Variants in SYT14 observed in about 807,000 individuals in gnomAD.
The protein encoded by SYT14 is synaptotagmin 14.
In SYT14, 32 loss-of-function variants were observed where a neutral mutation model predicts 74.2. That is an observed-to-expected ratio of 0.43 (90% CI 0.33 to 0.58). The LOEUF is 0.58. Ranked by LOEUF, SYT14 falls within the 20% of genes least tolerant of loss-of-function variation. The probability of loss-of-function intolerance (pLI) is 0.05; values close to 1 mark genes in which losing one functional copy is unlikely to be tolerated. For missense variants in SYT14, 791 were observed against 981.8 expected, an observed-to-expected ratio of 0.81 and a Z score of 2.60; for synonymous variants, 298 against 337.7, an observed-to-expected ratio of 0.88 and a Z score of 1.29.
At chr1:210,120,815 T>A (rs2082445957) in intron 7 of SYT14, among the ~76,000 whole-genome samples, 1 of 152,220 alleles carries the variant, frequency 6.6e-6, no homozygotes, top group Non-Finnish European at 1.5e-5. Flanking sequence ...TTACTTTCGG[T>A]GGTATATTTC....
At chr1:209,994,370 T>C (rs975922202) in intron 2 of SYT14, among the ~76,000 whole-genome samples, 4 of 152,064 alleles carry the variant, frequency 2.6e-5, no homozygotes, top group Non-Finnish European at 5.9e-5. Flanking sequence ...AACAGCAGAA[T>C]AGAACAAACT....
At chr1:209,942,123 T>G (rs527394888) in intron 1 of SYT14, among the ~76,000 whole-genome samples, 1 of 152,274 alleles carries the variant, frequency 6.6e-6, no homozygotes, top group East Asian at 1.9e-4. Flanking sequence ...GTATTTTGTA[T>G]GATCTCAAGC....
At chr1:210,106,363 T>G (rs2082157360) in intron 7 of SYT14, among the ~76,000 whole-genome samples, 1 of 152,134 alleles carries the variant, frequency 6.6e-6, no homozygotes, top group South Asian at 2.1e-4. Context: ...GCCTTTATAC[T>G]CCCATCAGTC....
intron 2 of SYT14, among the ~76,000 whole-genome samples, chr1:209,978,740 A>G (rs2079420154): frequency 6.6e-6 from 1 of 152,188 alleles, no homozygotes; most frequent in African/African-American, 2.4e-5. Context: ...GCTGTCAGAC[A>G]GTGACATTTA....
At chr1:210,041,417 G>A (rs1180406495) in intron 5 of SYT14, among the ~76,000 whole-genome samples, 1 of 152,134 alleles carries the variant, frequency 6.6e-6, no homozygotes, top group East Asian at 1.9e-4. Context: ...GTTGATCACT[G>A]ATTTTAATTT....
At chr1:210,149,052 C>T (rs1419871844) in intron 7 of SYT14, among the ~76,000 whole-genome samples, 1 of 151,900 alleles carries the variant, frequency 6.6e-6, no homozygotes, top group African/African-American at 2.4e-5. Flanking sequence ...AACTTATAAA[C>T]TTTATAAACC....
chr1:210,167,571 C>T (rs933551548), exon 10 of SYT14: 2 of 152,000 alleles, frequency 1.3e-5, no homozygotes, highest in African/African-American at 4.8e-5. Flanking sequence ...TTTTCTTTTC[C>T]CCCACAAAGA....
chr1:210,100,522 T>C (rs2082044814), intron 7 of SYT14, 61 bp downstream of exon 6: 1 of 1,535,644 alleles, frequency 6.5e-7, no homozygotes, highest in Non-Finnish European at 9.0e-7. Context: ...GTATGCACAA[T>C]TTTAAAAATC....
intron 9 of SYT14, 115 bp from the exon 9 acceptor site, chr1:210,160,614 A>G (rs962313585): frequency 3.5e-6 from 3 of 868,692 alleles, no homozygotes; most frequent in South Asian, 1.7e-5. Context: ...TCCATTAAAC[A>G]TGGTATACAC....
intron 7 of SYT14, among the ~76,000 whole-genome samples, chr1:210,102,793 C>T (rs2102553404): frequency 6.6e-6 from 1 of 152,122 alleles, no homozygotes; most frequent in East Asian, 1.9e-4. Context: ...GTGATCCTCC[C>T]ACCTCAGCCT....
chr1:210,031,323 T>C (rs1442318771), intron 5 of SYT14, among the ~76,000 whole-genome samples: 1 of 152,090 alleles, frequency 6.6e-6, no homozygotes, highest in African/African-American at 2.4e-5. Context: ...TTGGACTTGA[T>C]TTGCTAATGA....
chr1:210,088,405 T>A (rs915144321), intron 5 of SYT14, among the ~76,000 whole-genome samples: 1 of 152,026 alleles, frequency 6.6e-6, no homozygotes, highest in African/African-American at 2.4e-5. Context: ...TGTGCCCATA[T>A]GTTCTCATTG....
chr1:209,984,445 C>A (rs2079538884), intron 2 of SYT14, among the ~76,000 whole-genome samples: 1 of 152,174 alleles, frequency 6.6e-6, no homozygotes, highest in South Asian at 2.1e-4. Context: ...GAGGTACATA[C>A]CCTTGAAGCT....
intron 5 of SYT14, among the ~76,000 whole-genome samples, chr1:210,076,511 A>G (rs2081503406): frequency 6.6e-6 from 1 of 152,222 alleles, no homozygotes. Context: ...CGCCTTTCAT[A>G]TAAATGGAAC....
At chr1:210,088,666 T>C (rs1459432984) in intron 5 of SYT14, among the ~76,000 whole-genome samples, 2 of 152,116 alleles carry the variant, frequency 1.3e-5, no homozygotes, top group East Asian at 3.9e-4. Context: ...TAAAAAAGAA[T>C]GAGTTCATGT....
intron 5 of SYT14, among the ~76,000 whole-genome samples, chr1:210,046,269 G>C (rs2080882623): frequency 6.6e-6 from 1 of 152,162 alleles, no homozygotes; most frequent in Non-Finnish European, 1.5e-5. Context: ...AGCTACTTGG[G>C]AGGCTGAGGC....
chr1:210,013,781 T>G, exon 3 of SYT14: 3 of 1,611,964 alleles, frequency 1.9e-6, no homozygotes, highest in South Asian at 2.2e-5. Flanking sequence ...CAAGGAAGAA[T>G]TCACAAGATA....
intron 8 of SYT14, among the ~76,000 whole-genome samples, chr1:210,157,734 C>T (rs1335202155): frequency 6.6e-6 from 1 of 150,618 alleles, no homozygotes; most frequent in East Asian, 1.9e-4. Context: ...GAGCAAGGCT[C>T]CATCTAAAAA....
intron 5 of SYT14, among the ~76,000 whole-genome samples, chr1:210,036,609 A>G (rs227191): frequency 0.34 from 52,102 of 151,832 alleles, 9,906 homozygotes; most frequent in Non-Finnish European, 0.42. Context: ...TGTTCCTTCT[A>G]TATCTGGTTT....
Sources: allele counts gnomAD v4.1 joint callset (sites outside exome capture counted in the v4.1 genomes callset), GRCh38; gene constraint gnomAD v4.1.1; transcripts MANE v1.5; gene names NCBI Gene and HGNC (gene_info 2026-07-23, HGNC 2026-07-21).